ZNF462: variants seen among roughly 807,000 people sequenced by gnomAD.
ZNF462 encodes zinc finger protein 462.
Under a neutral mutation model 201.9 loss-of-function variants are expected in ZNF462, and 10 were observed. The observed-to-expected ratio is 0.05, with a 90% CI of 0.03 to 0.08. The LOEUF is 0.08. Among genes scored for constraint, ZNF462 ranks in the 10% least tolerant of loss-of-function variants. The probability of loss-of-function intolerance (pLI) is 1.00; values close to 1 mark genes in which losing one functional copy is unlikely to be tolerated. For synonymous variants in ZNF462, 1,227 were observed against 1,193.3 expected (o/e 1.03, Z -0.58); for missense variants, 2,523 against 3,168.3 (o/e 0.80, Z 4.89).
chr9:106,942,272 C>G (rs1170567966), intron 7 of ZNF462, among the ~76,000 whole-genome samples: 1 of 152,180 alleles, frequency 6.6e-6, no homozygotes, highest in African/African-American at 2.4e-5. Flanking sequence ...AAGGGAGGTT[C>G]TTTCTAAGCT....
At chr9:106,887,550 T>C (rs1187415100) in intron 1 of ZNF462, among the ~76,000 whole-genome samples, 4 of 152,192 alleles carry the variant, frequency 2.6e-5, no homozygotes, top group African/African-American at 9.7e-5. Flanking sequence ...TGTTATCTTA[T>C]AGCCAGAGAA....
chr9:106,874,114 A>C (rs1351396055), intron 1 of ZNF462, among the ~76,000 whole-genome samples: 1 of 152,240 alleles, frequency 6.6e-6, no homozygotes, highest in African/African-American at 2.4e-5. Context: ...TAAAATAGAA[A>C]AAAGGCTTAG....
At chr9:106,893,660 G>C (rs75719732) in intron 1 of ZNF462, among the ~76,000 whole-genome samples, 4,238 of 152,282 alleles carry the variant, frequency 0.028, 74 homozygotes, top group Non-Finnish European at 0.042. Context: ...AATGCTAACA[G>C]TACTCAGGAG....
chr9:106,863,461 G>T (rs1426063879), intron 1 of ZNF462, 106 bp downstream of exon 1: 1 of 355,256 alleles, frequency 2.8e-6, no homozygotes, highest in East Asian at 4.1e-5. Context: ...GGCCAAGGAG[G>T]GTTGGAGGAG....
At chr9:106,959,717 A>G (rs148478865) in intron 7 of ZNF462, among the ~76,000 whole-genome samples, 115 of 152,206 alleles carry the variant, frequency 7.6e-4, no homozygotes, top group African/African-American at 2.6e-3. Context: ...TAATTCTCAT[A>G]AGGTCATGGT....
At chr9:106,915,030 G>T (rs547455884) in intron 1 of ZNF462, among the ~76,000 whole-genome samples, 4 of 152,012 alleles carry the variant, frequency 2.6e-5, no homozygotes, top group Non-Finnish European at 5.9e-5. Context: ...GTACAAAAAG[G>T]TTGAACGTCA....
rs564027921 is a variant in ZNF462, at chr9:107,008,191, C to T, written c.7190-1354C>T. 6.6e-6 allele frequency among the ~76,000 whole-genome samples: 1 copy of T among 152,218 alleles called. No individual in the cohort carries two copies. The highest frequency in any genetic ancestry group is 2.4e-5 in the African/African-American group (1 of 41,530). ...AGGAAGGCATTCTGTTGATTTCTTGCCCAAGATAATCCCTGCTAAGGAATT... is the reference window on the plus strand; with the variant it reads ...AGGAAGGCATTCTGTTGATTTCTTGTCCAAGATAATCCCTGCTAAGGAATT... On this transcript the variant is annotated intron_variant, in intron 11 of 12. Transcript: ENST00000277225. The surrounding 1 kb of genome is among the most constrained non-coding windows in gnomAD (Gnocchi z 4.8).
intron 7 of ZNF462, among the ~76,000 whole-genome samples, chr9:106,944,875 G>A (rs1382069314): frequency 6.6e-6 from 1 of 152,134 alleles, no homozygotes; most frequent in African/African-American, 2.4e-5. Flanking sequence ...AATATTTTCA[G>A]CACTGTAGGT....
intron 1 of ZNF462, among the ~76,000 whole-genome samples, chr9:106,868,236 C>T (rs1238550506): frequency 6.6e-6 from 1 of 152,080 alleles, no homozygotes; most frequent in Non-Finnish European, 1.5e-5. Flanking sequence ...AAGAAAATTC[C>T]TCTCCTTGTG....
intron 1 of ZNF462, among the ~76,000 whole-genome samples, chr9:106,916,407 T>C (rs1225811700): frequency 1.3e-5 from 2 of 152,228 alleles, no homozygotes; most frequent in African/African-American, 4.8e-5. Context: ...AGTTCTGTAA[T>C]GAAGACCCAG....
chr9:106,897,428 C>G (rs937575789), intron 1 of ZNF462, among the ~76,000 whole-genome samples: 1 of 152,044 alleles, frequency 6.6e-6, no homozygotes, highest in Non-Finnish European at 1.5e-5. Context: ...CACTGTTGAA[C>G]TTTTGCCATC....
At chr9:107,002,741 GTAA>G (rs2132639611) in intron 10 of ZNF462, among the ~76,000 whole-genome samples, 1 of 152,308 alleles carries the variant, frequency 6.6e-6, no homozygotes, top group African/African-American at 2.4e-5. Flanking sequence ...AACACTAACA[GTAA>G]TAATATTATC....
intron 1 of ZNF462, among the ~76,000 whole-genome samples, chr9:106,884,070 T>C (rs1828215248): frequency 6.6e-6 from 1 of 152,212 alleles, no homozygotes; most frequent in South Asian, 2.1e-4. Flanking sequence ...AAACTTGTGG[T>C]ATGCAGCAGT....
Position 107,013,555 on chromosome 9 carries a change from A to G in ZNF462, c.*2525A>G, listed in dbSNP as rs1300425249. ...ACAAAACAAAAACAAAAAAAACCAC[A>G]AGTAGGTTATTCAAGTTGTTTGCAA... On this transcript the variant is annotated 3_prime_UTR_variant, in exon 13 of 13. Transcript: ENST00000277225. The G allele has an allele frequency of 6.6e-6, 1 of 152,204 alleles. No individual in the cohort carries two copies. Among genetic ancestry groups the G allele is most frequent in the African/African-American group, 2.4e-5 (1 of 41,470 alleles). The allele number at this position is 152,204 out of a possible 1,614,324, so 9.4% of individuals were successfully genotyped here.
chr9:106,915,036 C>T (rs935226220), intron 1 of ZNF462, among the ~76,000 whole-genome samples: 7 of 151,940 alleles, frequency 4.6e-5, no homozygotes, highest in Non-Finnish European at 1.0e-4. Flanking sequence ...AAAGGTTGAA[C>T]GTCATGATCT....
In ZNF462 at chr9:107,010,864, A is replaced by T. The variant is rs10217192; in HGVS notation, c.7355A>T (p.His2452Leu). ...AAGCAGGTGAGCAGAGAAGAAATCC[A>T]CCCAAAAGAGATCATGGAGAACAGT... The part of the protein sequence containing the change: ...DTKQVSREEI[H>L]PKEIMENSVK... The change falls in exon 13 of 13, where the codon CAC becomes CTC. Residue 2452 changes from histidine to leucine, a missense_variant. Around this residue, in one of 15 missense-constraint regions of ZNF462, gnomAD observed 228 missense variants for 361.2 expected, o/e 0.63. Transcript: ENST00000277225. This position sits in a 1 kb window ranked among gnomAD's most constrained non-coding sequence, Gnocchi z 4.6. 0.11 allele frequency: 176,636 copies of T among 1,612,950 alleles called. 10,259 individuals are homozygous for T. The highest frequency in any genetic ancestry group is 0.16 in the African/African-American group (11,930 of 74,942).
At position 106,977,514 on chromosome 9, in the gene ZNF462, A is replaced by C. The variant is rs548863107; in HGVS notation, c.6832+3241A>C. 7.2e-5 allele frequency among the ~76,000 whole-genome samples: 11 copies of C among 151,750 alleles called. No homozygotes were observed. The highest frequency in any genetic ancestry group is 4.6e-4 in the Admixed American group (7 of 15,298). ...CTCATGGGAAATCTGAATATGAACT[A>C]ATCAGGGATTTATGTTGGCCACAGC... On this transcript the variant is annotated intron_variant, in intron 9 of 12. Coordinates refer to ENST00000277225, the MANE Select transcript of ZNF462 (RefSeq NM_021224.6). This position sits in a 1 kb window ranked among gnomAD's most constrained non-coding sequence, Gnocchi z 4.6.
At chr9:106,863,059 GAGAGA>G (rs1827124160), upstream of ZNF462, 4 of 394,716 alleles carry the variant, frequency 1.0e-5, no homozygotes, top group Non-Finnish European at 1.8e-5. Context: ...GAGGAGAGGA[GAGAGA>G]AGAGGAGAGA....
intron 1 of ZNF462, among the ~76,000 whole-genome samples, chr9:106,896,311 T>C (rs1248632922): frequency 1.3e-5 from 2 of 152,276 alleles, no homozygotes; most frequent in African/African-American, 2.4e-5. Flanking sequence ...TCAATAAATA[T>C]TTGTTTTTGG....
Sources: gnomAD v4.1 joint callset for allele counts (sites outside exome capture counted in the v4.1 genomes callset) on GRCh38, gnomAD v4.1.1 for gene constraint, gnomAD v4.1.1 regional missense constraint, Gnocchi (gnomAD v3.1) non-coding constraint, MANE v1.5 for transcripts, NCBI Gene and HGNC (gene_info 2026-07-23, HGNC 2026-07-21) for gene names.